DNAH11: variants seen among roughly 807,000 people sequenced by gnomAD.
The protein encoded by DNAH11 is dynein axonemal heavy chain 11.
DNAH11 carries 442 observed loss-of-function variants against 526.0 expected under a neutral mutation model. That is an observed-to-expected ratio of 0.84 (90% CI 0.78 to 0.91). The LOEUF is 0.91. Ranked by LOEUF, DNAH11 falls within the 40% of genes least tolerant of loss-of-function variation. DNAH11 has a pLI of 0.00. For synonymous variants in DNAH11, 2,461 were observed against 1,935.9 expected (o/e 1.27, Z -7.12); for missense variants, 6,989 against 5,448.7 (o/e 1.28, Z -8.90).
intron 77 of DNAH11, among the ~76,000 whole-genome samples, chr7:21,893,408 C>T (rs1166033601): frequency 1.3e-5 from 2 of 152,202 alleles, no homozygotes; most frequent in African/African-American, 2.4e-5. Context: ...TAATATTGAG[C>T]ATCTTTTCAC....
At chr7:21,766,527 C>G (rs1433728136) in intron 55 of DNAH11, among the ~76,000 whole-genome samples, 4 of 152,100 alleles carry the variant, frequency 2.6e-5, no homozygotes, top group Non-Finnish European at 5.9e-5. Flanking sequence ...CAGGTACAAC[C>G]CATTGTAGCC....
intron 30 of DNAH11, among the ~76,000 whole-genome samples, chr7:21,663,614 CTTCTT>C (rs1246326275): frequency 6.6e-6 from 1 of 151,922 alleles, no homozygotes; most frequent in African/African-American, 2.4e-5. Flanking sequence ...TTTTGTATAA[CTTCTT>C]TTGAAAAATG....
At chr7:21,744,388 A>G (rs567132778) in intron 49 of DNAH11, 50 bp from the exon 50 acceptor site, 2 of 1,580,084 alleles carry the variant, frequency 1.3e-6, no homozygotes, top group African/African-American at 1.4e-5. Flanking sequence ...CTCATTTGAC[A>G]TGTCATCAGC....
intron 2 of DNAH11, among the ~76,000 whole-genome samples, chr7:21,556,351 T>C (rs1170174497): frequency 1.3e-5 from 2 of 152,180 alleles, no homozygotes; most frequent in East Asian, 1.9e-4. Flanking sequence ...TTTCTCAGAA[T>C]AGTAAATAGA....
At chr7:21,817,201 C>A (rs76423446) in intron 64 of DNAH11, among the ~76,000 whole-genome samples, 6 of 152,030 alleles carry the variant, frequency 3.9e-5, no homozygotes, top group Non-Finnish European at 8.8e-5. Flanking sequence ...TGAATCTACT[C>A]CAAGAATTTC....
chr7:21,768,994 A>C (rs1259387003), intron 55 of DNAH11, among the ~76,000 whole-genome samples: 1 of 152,226 alleles, frequency 6.6e-6, no homozygotes, highest in Non-Finnish European at 1.5e-5. Context: ...AAAGTATAAT[A>C]ATTTTAAAAA....
chr7:21,617,899 G>C (rs996105451), intron 23 of DNAH11, 122 bp downstream of exon 23: 6 of 1,075,112 alleles, frequency 5.6e-6, no homozygotes, highest in Non-Finnish European at 7.6e-6. Flanking sequence ...GCCTCTACTT[G>C]CTGTGTTATG....
chr7:21,894,957 G>C lies in DNAH11; in HGVS notation c.13007G>C (p.Trp4336Ser). 4 of 1,613,976 alleles carry C rather than the reference G, an allele frequency of 2.5e-6. No individual in the cohort carries two copies. Among genetic ancestry groups the C allele is most frequent in the Non-Finnish European group, 3.4e-6 (4 of 1,179,890 alleles). The change falls in exon 79 of 82, where the codon TGG (tryptophan) becomes TCG (serine). Residue 4336 changes from tryptophan (W) to serine (S), a missense_variant. By Grantham distance (177) the Trp-to-Ser change is radical. Coordinates refer to ENST00000409508, the MANE Select transcript of DNAH11 (RefSeq NM_001277115.2). ...AGTTATGACACGGTACCAGACACTT[G>C]GAGCAAACTGGCTTATCCTTCTACT... ...ALSYDTVPDT[W>S]SKLAYPSTYG...
At chr7:21,784,304 C>T (rs1482733822) in intron 57 of DNAH11, 123 bp from the exon 58 acceptor site, 1 of 749,206 alleles carries the variant, frequency 1.3e-6, no homozygotes, top group Non-Finnish European at 2.3e-6. Flanking sequence ...ACAAATTCCT[C>T]ACCTGTTCAA....
intron 34 of DNAH11, 144 bp from the exon 35 acceptor site, chr7:21,690,621 A>G: frequency 3.4e-6 from 2 of 591,440 alleles, no homozygotes; most frequent in East Asian, 3.0e-5. Flanking sequence ...TATTCAAAAT[A>G]TGTATGGGCT....
chr7:21,715,356 A>C (rs1291456913), intron 42 of DNAH11, among the ~76,000 whole-genome samples: 1 of 152,222 alleles, frequency 6.6e-6, no homozygotes, highest in East Asian at 1.9e-4. Context: ...AAGGAGAAAC[A>C]ACTGAGCTGC....
chr7:21,702,811 A>T lies in DNAH11; in HGVS notation c.6273+9A>T, dbSNP rs192777767. 1.2e-6 allele frequency: 2 copies of T among 1,608,996 alleles called. No individual in the cohort carries two copies. Among genetic ancestry groups the T allele is most frequent in the Non-Finnish European group, 8.5e-7 (1 of 1,176,716 alleles). On this transcript the variant is annotated intron_variant, in intron 37 of 81. Transcript: ENST00000409508. ...ATAGACCCGAAGATCAGGTACTGCA[A>T]TGCTAATATGATTTTGTTGAGTGAG...
intron 30 of DNAH11, among the ~76,000 whole-genome samples, chr7:21,670,663 C>T (rs1294963146): frequency 2.0e-5 from 3 of 152,082 alleles, no homozygotes; most frequent in African/African-American, 4.8e-5. Context: ...TTGAATGTTT[C>T]TTGGAGATGC....
At chr7:21,812,337 A>G (rs4722058) in intron 63 of DNAH11, among the ~76,000 whole-genome samples, 65,534 of 151,842 alleles carry the variant, frequency 0.43, 15,254 homozygotes, top group East Asian at 0.82. Flanking sequence ...AAAGAGGAAT[A>G]GCAACTCTTT....
intron 28 of DNAH11, among the ~76,000 whole-genome samples, chr7:21,651,597 T>C (rs1321260531): frequency 6.6e-6 from 1 of 152,230 alleles, no homozygotes; most frequent in African/African-American, 2.4e-5. Flanking sequence ...TTTTAAATTA[T>C]AAAATTAGCT....
At chr7:21,677,705 G>T (rs751782585) in intron 30 of DNAH11, among the ~76,000 whole-genome samples, 22 of 152,172 alleles carry the variant, frequency 1.4e-4, no homozygotes, top group Admixed American at 5.9e-4. Flanking sequence ...GATCTTTGAT[G>T]TCACTCTTGT....
At chr7:21,773,740 A>T in intron 55 of DNAH11, 26 bp from the exon 56 acceptor site, 1 of 1,375,300 alleles carries the variant, frequency 7.3e-7, no homozygotes, top group Non-Finnish European at 9.7e-7. Flanking sequence ...AGGATTTCAC[A>T]TGAACTGTAA....
In DNAH11 at chr7:21,746,957, T is replaced by C. The variant is rs147495218; in HGVS notation, c.8511-1623T>C. Among the ~76,000 whole-genome samples the C allele has an allele frequency of 3.5e-3, 535 of 152,312 alleles. 3 individuals are homozygous for C. The highest frequency in any genetic ancestry group is 0.012 in the African/African-American group (516 of 41,582). On this transcript the variant is annotated intron_variant, in intron 51 of 81. Transcript: ENST00000409508. ...TACTGAGGAAAAGAGTTTTCCCATA[T>C]AATCCCTCAATACAGAATTTTCAGT...
At chr7:21,685,817 G>GA (rs1783349146) in intron 32 of DNAH11, among the ~76,000 whole-genome samples, 1 of 152,136 alleles carries the variant, frequency 6.6e-6, no homozygotes, top group Non-Finnish European at 1.5e-5. Context: ...AGTGAAAGGG[G>GA]AAAAAAGAGA....
Sources: allele counts gnomAD v4.1 joint callset (sites outside exome capture counted in the v4.1 genomes callset), GRCh38; gene constraint gnomAD v4.1.1; transcripts MANE v1.5; gene names NCBI Gene and HGNC (gene_info 2026-07-23, HGNC 2026-07-21).